ABHD12: variants seen among roughly 807,000 people sequenced by gnomAD.
The protein encoded by ABHD12 is abhydrolase domain containing 12, lysophospholipase, also known as lysophosphatidylserine lipase ABHD12.
ABHD12 carries 43 observed loss-of-function variants against 58.3 expected under a neutral mutation model. That is an observed-to-expected ratio of 0.74 (90% confidence interval 0.58 to 0.95). The LOEUF (loss-of-function observed/expected upper bound fraction) is 0.95. Among genes scored for constraint, ABHD12 ranks in the 40% least tolerant of loss-of-function variants. The probability of loss-of-function intolerance (pLI) is 0.00; values close to 1 mark genes in which losing one functional copy is unlikely to be tolerated. For synonymous variants in ABHD12, 219 were observed against 211.2 expected (o/e 1.04, Z -0.32); for missense variants, 539 against 537.2 (o/e 1.00, Z -0.03).
chr20:25,333,486 C>T (rs1230002412), intron 2 of ABHD12, among the ~76,000 whole-genome samples: 248 of 146,460 alleles, frequency 1.7e-3, no homozygotes, highest in Non-Finnish European at 2.0e-3. Flanking sequence ...ATACCAAAGC[C>T]GGGCAGAGAC....
chr20:25,372,953 A>G (rs1293499531), intron 1 of ABHD12, among the ~76,000 whole-genome samples: 1 of 152,146 alleles, frequency 6.6e-6, no homozygotes, highest in Non-Finnish European at 1.5e-5. Flanking sequence ...TTTATCTTTT[A>G]TATTGTATTT....
intron 11 of ABHD12, chr20:25,303,228 G>C (rs2088669937): frequency 2.5e-6 from 3 of 1,221,410 alleles, no homozygotes; most frequent in Middle Eastern, 3.6e-4. Flanking sequence ...AGGTTGGCCT[G>C]GGCTCTGATA....
intron 1 of ABHD12, among the ~76,000 whole-genome samples, chr20:25,364,794 A>G (rs2089797293): frequency 6.6e-6 from 1 of 152,220 alleles, no homozygotes; most frequent in Non-Finnish European, 1.5e-5. Flanking sequence ...AATACTGACA[A>G]TATCAAAAGA....
chr20:25,364,215 A>G (rs557631733), intron 1 of ABHD12, among the ~76,000 whole-genome samples: 7 of 152,364 alleles, frequency 4.6e-5, no homozygotes, highest in African/African-American at 1.7e-4. Flanking sequence ...AAAACTCATG[A>G]TAAGACAATA....
intron 2 of ABHD12, among the ~76,000 whole-genome samples, chr20:25,328,244 A>T (rs952383149): frequency 6.6e-6 from 1 of 152,194 alleles, no homozygotes; most frequent in African/African-American, 2.4e-5. Flanking sequence ...AGTCCACTTC[A>T]GACTCTAGGG....
At chr20:25,353,905 C>T (rs1047636941) in intron 1 of ABHD12, among the ~76,000 whole-genome samples, 1 of 152,130 alleles carries the variant, frequency 6.6e-6, no homozygotes, top group Admixed American at 6.5e-5. Flanking sequence ...TGATCACTAA[C>T]GTGCCACCAC....
At chr20:25,295,678 T>G, downstream of ABHD12, 1 of 1,611,800 alleles carries the variant, frequency 6.2e-7, no homozygotes, top group Non-Finnish European at 8.5e-7. Context: ...CGGGTGAGGC[T>G]CCTGGGTCCA....
intron 1 of ABHD12, among the ~76,000 whole-genome samples, chr20:25,355,826 G>A (rs1032115889): frequency 6.6e-6 from 1 of 152,030 alleles, no homozygotes; most frequent in African/African-American, 2.4e-5. Context: ...CAAAGTGCTG[G>A]GATTACAGGC....
At chr20:25,368,543 T>TGAA (rs1432584981) in intron 1 of ABHD12, 1 of 1,428,862 alleles carries the variant, frequency 7.0e-7, no homozygotes, top group Non-Finnish European at 9.9e-7. Flanking sequence ...GTAAATGGAC[T>TGAA]TGCCACCAGT....
chr20:25,305,937 G>A (rs150832502), intron 10 of ABHD12, among the ~76,000 whole-genome samples: 1,962 of 152,176 alleles, frequency 0.013, 44 homozygotes, highest in African/African-American at 0.045. Flanking sequence ...AGGCCAAGGC[G>A]AGCAGATCAC....
intron 4 of ABHD12, among the ~76,000 whole-genome samples, chr20:25,318,108 G>T (rs2088996841): frequency 6.6e-6 from 1 of 152,208 alleles, no homozygotes; most frequent in Admixed American, 6.5e-5. Flanking sequence ...CTTGAGCTCA[G>T]GAGTTTGAGA....
chr20:25,323,214 GA>G, intron 3 of ABHD12, 110 bp downstream of exon 3: 1 of 773,210 alleles, frequency 1.3e-6, no homozygotes, highest in East Asian at 2.4e-5. Flanking sequence ...AGGAAGAGGT[GA>G]AGATAAAAAT....
At chr20:25,368,424 T>C in intron 1 of ABHD12, 5 of 1,598,978 alleles carry the variant, frequency 3.1e-6, no homozygotes, top group African/African-American at 1.3e-5. Context: ...GTCTTGGCAG[T>C]GCAGATGAAA....
rs997119804 is a variant in ABHD12, at chr20:25,304,544, G to A, written c.951-916C>T. ...AGGCCAAAGGCAGCTTCAGGGGCAC[G>A]GTACTCAAACTTGCTTTTTTTGTTT... On this transcript the variant is annotated intron_variant, in intron 10 of 12. Coordinates refer to ENST00000339157, the MANE Select transcript of ABHD12 (RefSeq NM_001042472.3). 5.3e-5 allele frequency among the ~76,000 whole-genome samples: 8 copies of A among 152,304 alleles called. No homozygotes were observed. The South Asian group carries it at 8.3e-4, about 16-fold the overall frequency.
intron 1 of ABHD12, among the ~76,000 whole-genome samples, chr20:25,366,279 T>C (rs2089819732): frequency 1.3e-5 from 2 of 152,106 alleles, no homozygotes; most frequent in Admixed American, 1.3e-4. Flanking sequence ...GTCTTTTCTT[T>C]TCTTTTTTTT....
chr20:25,390,752 G>C lies in ABHD12; in HGVS notation c.-49C>G. The C allele has an allele frequency of 1.6e-6, 2 of 1,218,320 alleles. No homozygotes were observed. The highest frequency in any genetic ancestry group is 2.8e-5 in the South Asian group (1 of 35,396). The allele number at this position is 1,218,320 out of a possible 1,614,324, so 75.5% of individuals were successfully genotyped here. On this transcript the variant is annotated 5_prime_UTR_variant, in exon 1 of 13. Coordinates refer to ENST00000339157, the MANE Select transcript of ABHD12 (RefSeq NM_001042472.3). Reference sequence around the variant, plus strand: ...CCGACGGCGCCCGCTGGCCTGCGCCGCAGTGCCGCCGCTCACAGCCGCCGC... The same window carrying C: ...CCGACGGCGCCCGCTGGCCTGCGCCCCAGTGCCGCCGCTCACAGCCGCCGC...
intron 1 of ABHD12, among the ~76,000 whole-genome samples, chr20:25,384,141 CAA>C (rs1385987192): frequency 3.2e-4 from 17 of 53,036 alleles, no homozygotes; most frequent in Non-Finnish European, 3.6e-4. Context: ...GACTCTGTCT[CAA>C]AAAAAAAAAA....
rs1427980521 is a variant in ABHD12 at position 25,322,575 on chromosome 20, G to A, written c.422+750C>T. 3.3e-5 allele frequency among the ~76,000 whole-genome samples: 5 copies of A among 150,678 alleles called. No individual in the cohort carries two copies. The East Asian group carries it at 9.7e-4, about 29-fold the overall frequency. ...TTGTATTTTTTTTTCAGTAGAGACG[G>A]GGTTTCACCATGTTGTTTAGGGTGG... On this transcript the variant is annotated intron_variant, in intron 3 of 12. Coordinates refer to ENST00000339157, the MANE Select transcript of ABHD12 (RefSeq NM_001042472.3).
rs779293077 is a variant in ABHD12, at chr20:25,387,589, T to TAAAAAAAAAAAA, written c.191+2923_191+2924insTTTTTTTTTTTT. Among the ~76,000 whole-genome samples, 222 of 85,188 alleles carry TAAAAAAAAAAAA rather than the reference T, an allele frequency of 2.6e-3. 31 individuals carry two copies. The highest frequency in any genetic ancestry group is 5.8e-3 in the African/African-American group (118 of 20,436). 55.9% of individuals were successfully genotyped at this position (85,188 alleles called of 152,430 possible). ...GCAACATAGTGAGACTTCATCTCTA[T>TAAAAAAAAAAAA]TAAAAAAAAAAAAAAAAAATTAACC... is the stretch of plus-strand genomic sequence containing the variant. On this transcript the variant is annotated intron_variant, in intron 1 of 12. Coordinates refer to ENST00000339157, the MANE Select transcript of ABHD12 (RefSeq NM_001042472.3).
Sources: allele counts gnomAD v4.1 joint callset (sites outside exome capture counted in the v4.1 genomes callset), GRCh38; gene constraint gnomAD v4.1.1; transcripts MANE v1.5; gene names NCBI Gene and HGNC (gene_info 2026-07-23, HGNC 2026-07-21).